SETD2: variants seen among roughly 807,000 people sequenced by gnomAD.
The protein encoded by SETD2 is SET domain containing 2, histone lysine methyltransferase, also known as histone-lysine N-methyltransferase SETD2.
Under a neutral mutation model 242.1 loss-of-function variants are expected in SETD2, and 31 were observed. The observed-to-expected ratio is 0.13, with a 90% confidence interval of 0.10 to 0.17. The LOEUF (loss-of-function observed/expected upper bound fraction) is 0.17, where lower values mean the gene tolerates loss of function less well. SETD2 is among the 10% of genes least tolerant of loss of function. The pLI is 1.00. For synonymous variants in SETD2, 1,006 were observed against 1,066.5 expected (o/e 0.94, Z 1.11); for missense variants, 2,481 against 3,046.3 (o/e 0.81, Z 4.37).
chr3:47,088,407 T>A (rs1372456715), intron 9 of SETD2, among the ~76,000 whole-genome samples, 160 bp from the exon 10 acceptor site: 1 of 150,832 alleles, frequency 6.6e-6, no homozygotes, highest in Non-Finnish European at 1.5e-5. Context: ...AGAAGGCTGA[T>A]AATAACAAGT....
In SETD2 at chr3:47,056,949, A is replaced by G. The variant is rs201453289; in HGVS notation, c.6835T>C (p.Ser2279Pro). 24 of 1,614,148 alleles carry G rather than the reference A, an allele frequency of 1.5e-5. No individual in the cohort carries two copies. Among genetic ancestry groups the G allele is most frequent in the Non-Finnish European group, 1.9e-5 (23 of 1,180,056 alleles). The part of the protein sequence containing the change: ...NYSVWDSNQQ[S>P]VSVQQQYSPA... ...GAGTACTGCTGCTGTACACTGACAG[A>G]CTGTTGGTTTGAATCCCAAACACTA... The change falls in exon 15 of 21, where the codon TCT (serine) becomes CCT (proline). Residue 2279 changes from serine to proline, a missense_variant. Ser to Pro is a moderately conservative substitution (Grantham distance 74, BLOSUM62 -1). Coordinates refer to ENST00000409792, the MANE Select transcript of SETD2 (RefSeq NM_014159.7).
chr3:47,074,534 G>C (rs1028593376), intron 12 of SETD2, among the ~76,000 whole-genome samples: 3 of 152,152 alleles, frequency 2.0e-5, no homozygotes, highest in Non-Finnish European at 4.4e-5. Context: ...TCTTCAGTAA[G>C]TGCCATACCT....
chr3:47,052,113 C>T (rs548009063), intron 15 of SETD2, among the ~76,000 whole-genome samples: 4 of 152,116 alleles, frequency 2.6e-5, no homozygotes, highest in Non-Finnish European at 2.9e-5. Context: ...GACACATGTA[C>T]ATATATCATG....
At chr3:47,112,240 G>A (rs1166307139) in intron 5 of SETD2, among the ~76,000 whole-genome samples, 1 of 150,610 alleles carries the variant, frequency 6.6e-6, no homozygotes, top group African/African-American at 2.4e-5. Context: ...TCAGCCTCCC[G>A]AGTAGCTGGG....
chr3:47,062,706 A>G (rs2040391817), intron 13 of SETD2, among the ~76,000 whole-genome samples: 1 of 152,222 alleles, frequency 6.6e-6, no homozygotes, highest in African/African-American at 2.4e-5. Flanking sequence ...AAAGCCTTCA[A>G]CTACCCTATA....
intron 18 of SETD2, among the ~76,000 whole-genome samples, chr3:47,036,597 C>T (rs2039006156): frequency 6.6e-6 from 1 of 151,856 alleles, no homozygotes. Flanking sequence ...ATGTTATGGG[C>T]ACTAACAACA....
chr3:47,066,838 G>A (rs192677281), intron 13 of SETD2, among the ~76,000 whole-genome samples: 1 of 152,232 alleles, frequency 6.6e-6, no homozygotes, highest in Admixed American at 6.5e-5. Flanking sequence ...AGCTAGTAAA[G>A]ACTGAGTTCA....
chr3:47,017,803 G>A lies in SETD2; in HGVS notation c.7432-64C>T. On this transcript the variant is annotated intron_variant, in intron 19 of 20. Coordinates refer to ENST00000409792, the MANE Select transcript of SETD2 (RefSeq NM_014159.7). The surrounding 1 kb of genome is among the most constrained non-coding windows in gnomAD (Gnocchi z 4.8). ...CAGAGAGGGCAAGGAGTTGTACTGA[G>A]GAAATAACTAGAAAAGGTAGTGAGT... is the stretch of plus-strand genomic sequence containing the variant. The A allele has an allele frequency of 1.8e-6, 2 of 1,123,848 alleles. No individual in the cohort carries two copies. Among genetic ancestry groups the A allele is most frequent in the Non-Finnish European group, 1.4e-6 (1 of 734,562 alleles). The allele number at this position is 1,123,848 out of a possible 1,614,324, so 69.6% of individuals were successfully genotyped here. A position where few individuals can be genotyped will look rare whatever the true frequency, so the allele number is the denominator to read the frequency against.
intron 10 of SETD2, 86 bp from the exon 11 acceptor site, chr3:47,086,400 A>G: frequency 1.5e-6 from 2 of 1,358,656 alleles, no homozygotes; most frequent in Non-Finnish European, 2.1e-6. Flanking sequence ...GTTCATGTAT[A>G]CGTTACACAT....
intron 8 of SETD2, among the ~76,000 whole-genome samples, chr3:47,098,836 A>C (rs767462689): frequency 1.3e-5 from 2 of 152,136 alleles, no homozygotes; most frequent in African/African-American, 2.4e-5. Context: ...TCTAATAGTA[A>C]ACTGGTGGAC....
At chr3:47,104,418 T>C (rs1369400955) in intron 6 of SETD2, among the ~76,000 whole-genome samples, 2 of 151,780 alleles carry the variant, frequency 1.3e-5, no homozygotes, top group African/African-American at 4.8e-5. Flanking sequence ...CATGTGCCTG[T>C]AGTTCCAGCA....
chr3:47,101,956 A>G (rs1158562234), intron 7 of SETD2, among the ~76,000 whole-genome samples: 1 of 152,250 alleles, frequency 6.6e-6, no homozygotes, highest in Non-Finnish European at 1.5e-5. Flanking sequence ...CTATATTAAC[A>G]TATGTTAAAA....
chr3:47,131,570 C>T (rs2043476238), intron 1 of SETD2, among the ~76,000 whole-genome samples: 1 of 151,990 alleles, frequency 6.6e-6, no homozygotes, highest in Non-Finnish European at 1.5e-5. Context: ...GTCTCGATCT[C>T]GACCTCGTGA....
At chr3:47,078,063 T>C (rs538165780) in intron 12 of SETD2, among the ~76,000 whole-genome samples, 48 of 152,320 alleles carry the variant, frequency 3.2e-4, no homozygotes, top group Non-Finnish European at 6.3e-4. Flanking sequence ...AAAATCACCA[T>C]TTGGCAACCA....
In SETD2 at chr3:47,026,390, G is replaced by C. The variant is rs533377585; in HGVS notation, c.7351-6550C>G. On this transcript the variant is annotated intron_variant, in intron 18 of 20. Transcript: ENST00000409792. ...ATTAGTTCAACCATTGTGGAAGACA[G>C]TGCGGCAATTCCTCAAGGATCTAGA... 1.1e-3 allele frequency among the ~76,000 whole-genome samples: 170 copies of C among 152,308 alleles called. 5 individuals carry two copies. In the South Asian group the frequency reaches 0.034, roughly 30 times the overall value.
chr3:47,100,572 T>C (rs1559719400), intron 8 of SETD2, among the ~76,000 whole-genome samples: 1 of 152,118 alleles, frequency 6.6e-6, no homozygotes, highest in Non-Finnish European at 1.5e-5. Flanking sequence ...TATTTTTAAG[T>C]AGTCATTAGA....
chr3:47,161,545 A>C (rs1353928600), intron 1 of SETD2, among the ~76,000 whole-genome samples: 3 of 152,138 alleles, frequency 2.0e-5, no homozygotes, highest in African/African-American at 7.2e-5. Flanking sequence ...GATACCTACC[A>C]TGATCCCCTC....
chr3:47,139,957 A>G (rs563419496), intron 1 of SETD2, among the ~76,000 whole-genome samples: 6 of 152,282 alleles, frequency 3.9e-5, no homozygotes, highest in Admixed American at 1.3e-4. Flanking sequence ...AAAGAATCCT[A>G]TTGATCAATA....
At position 47,103,530 on chromosome 3, in the gene SETD2, G is replaced by C; in HGVS notation, c.4840-107C>G. 5 of 852,642 alleles carry C rather than the reference G, an allele frequency of 5.9e-6. No individual in the cohort carries two copies. In the East Asian group the frequency reaches 1.3e-4, roughly 22 times the overall value. The allele number at this position is 852,642 out of a possible 1,614,324, so 52.8% of individuals were successfully genotyped here. Reference sequence around the variant, plus strand: ...TTATGCATCAATTAAAAAAAAGATTGTGCTGCGAAACCTAACCAGTTAAGG... The same window carrying C: ...TTATGCATCAATTAAAAAAAAGATTCTGCTGCGAAACCTAACCAGTTAAGG... On this transcript the variant is annotated intron_variant, in intron 6 of 20. Transcript: ENST00000409792.
Sources: allele counts gnomAD v4.1 joint callset (sites outside exome capture counted in the v4.1 genomes callset), GRCh38; gene constraint gnomAD v4.1.1; non-coding constraint Gnocchi (gnomAD v3.1); transcripts MANE v1.5; gene names NCBI Gene and HGNC (gene_info 2026-07-23, HGNC 2026-07-21).